The following ALK variants were observed in gnomAD, a reference collection of about 807,000 sequenced individuals.
The protein encoded by ALK is ALK tyrosine kinase receptor.
A neutral mutation model predicts 163.1 loss-of-function variants in ALK; 74 were observed. That is an observed-to-expected ratio of 0.45 (90% CI 0.38 to 0.55). The LOEUF (loss-of-function observed/expected upper bound fraction) is 0.55. ALK is among the 20% of genes least tolerant of loss of function. The probability of loss-of-function intolerance (pLI) is 0.00; values close to 1 mark genes in which losing one functional copy is unlikely to be tolerated. For synonymous variants in ALK, 960 were observed against 843.2 expected (o/e 1.14, Z -2.40); for missense variants, 2,063 against 2,105.3 (o/e 0.98, Z 0.39).
chr2:29,205,451 G>C (rs1669287659), intron 26 of ALK, among the ~76,000 whole-genome samples: 1 of 151,694 alleles, frequency 6.6e-6, no homozygotes, highest in Non-Finnish European at 1.5e-5. Context: ...CACATGCTTG[G>C]TGGCTTAAAA....
intron 4 of ALK, among the ~76,000 whole-genome samples, chr2:29,515,591 G>T (rs969896866): frequency 1.5e-4 from 23 of 152,186 alleles, no homozygotes; most frequent in Non-Finnish European, 1.3e-4. Context: ...AGGCATAATG[G>T]GATCATGTGG....
chr2:29,806,155 G>C (rs1421482037), intron 1 of ALK, among the ~76,000 whole-genome samples: 1 of 152,100 alleles, frequency 6.6e-6, no homozygotes. Flanking sequence ...ATACCATATG[G>C]AAAGGCCTGA....
chr2:29,780,281 G>T (rs1425357230), intron 1 of ALK, among the ~76,000 whole-genome samples: 2 of 152,142 alleles, frequency 1.3e-5, no homozygotes, highest in Admixed American at 1.3e-4. Flanking sequence ...ATTGCCAGGG[G>T]ACAGAATGCT....
chr2:29,819,474 C>T (rs1277665018), intron 1 of ALK, among the ~76,000 whole-genome samples: 2 of 152,190 alleles, frequency 1.3e-5, no homozygotes, highest in Non-Finnish European at 2.9e-5. Flanking sequence ...TGCTGGCTTG[C>T]GCGTGTTCTC....
intron 1 of ALK, among the ~76,000 whole-genome samples, chr2:29,869,459 C>T (rs139516445): frequency 3.3e-5 from 5 of 152,120 alleles, no homozygotes; most frequent in African/African-American, 7.2e-5. Context: ...GAATAAATAG[C>T]CCAGAAGCAA....
At chr2:29,625,002 A>G (rs546174103) in intron 3 of ALK, among the ~76,000 whole-genome samples, 3 of 152,312 alleles carry the variant, frequency 2.0e-5, no homozygotes, top group East Asian at 3.9e-4. Flanking sequence ...CAAACTATGC[A>G]TGTGGTTCAC....
chr2:29,717,340 T>C (rs1056868726), intron 2 of ALK, among the ~76,000 whole-genome samples: 23 of 152,172 alleles, frequency 1.5e-4, no homozygotes, highest in Admixed American at 8.5e-4. Context: ...AGGAGGGATA[T>C]GGCAGACACA....
At chr2:29,876,089 C>T (rs1666698005) in intron 1 of ALK, among the ~76,000 whole-genome samples, 1 of 152,200 alleles carries the variant, frequency 6.6e-6, no homozygotes, top group Non-Finnish European at 1.5e-5. Context: ...ATTCTGTTAT[C>T]TACCCTGCCT....
chr2:29,722,834 C>T (rs905367530), intron 1 of ALK, among the ~76,000 whole-genome samples: 2 of 152,150 alleles, frequency 1.3e-5, no homozygotes, highest in Non-Finnish European at 2.9e-5. Flanking sequence ...ACCTCCCTTC[C>T]CCTAAACCCC....
intron 4 of ALK, among the ~76,000 whole-genome samples, chr2:29,458,082 T>C (rs537361353): frequency 5.9e-5 from 9 of 152,306 alleles, no homozygotes; most frequent in Admixed American, 3.9e-4. Flanking sequence ...ATCTACTTTT[T>C]AAACCTATAA....
chr2:29,610,955 A>T (rs2148221333), intron 3 of ALK, among the ~76,000 whole-genome samples: 1 of 152,226 alleles, frequency 6.6e-6, no homozygotes, highest in East Asian at 1.9e-4. Context: ...GGTGTCTGGG[A>T]TCATTAATTG....
At chr2:29,375,778 T>G (rs1169826907) in intron 5 of ALK, among the ~76,000 whole-genome samples, 1 of 152,162 alleles carries the variant, frequency 6.6e-6, no homozygotes, top group Non-Finnish European at 1.5e-5. Flanking sequence ...TCAGTGCTCA[T>G]TCTGTGGTCT....
intron 3 of ALK, among the ~76,000 whole-genome samples, chr2:29,605,874 C>A (rs1355550244): frequency 6.6e-6 from 1 of 152,170 alleles, no homozygotes; most frequent in Non-Finnish European, 1.5e-5. Context: ...GCCTCCCCAC[C>A]CCTCTGACAA....
At chr2:29,845,855 G>A (rs1665828819) in intron 1 of ALK, among the ~76,000 whole-genome samples, 1 of 152,142 alleles carries the variant, frequency 6.6e-6, no homozygotes, top group Non-Finnish European at 1.5e-5. Flanking sequence ...CAGATTCTGG[G>A]AACTGTGACT....
intron 6 of ALK, among the ~76,000 whole-genome samples, chr2:29,327,173 C>T (rs1328124752): frequency 1.3e-5 from 2 of 152,212 alleles, no homozygotes; most frequent in African/African-American, 4.8e-5. Flanking sequence ...AGTGCAGGAG[C>T]ACCAGCTGGG....
At chr2:29,536,436 C>T (rs1237000430) in intron 3 of ALK, among the ~76,000 whole-genome samples, 1 of 152,150 alleles carries the variant, frequency 6.6e-6, no homozygotes, top group East Asian at 1.9e-4. Flanking sequence ...TTGCAAGCTT[C>T]CTGAGGCCCT....
intron 5 of ALK, among the ~76,000 whole-genome samples, chr2:29,350,598 C>G (rs1668086196): frequency 1.3e-5 from 2 of 152,172 alleles, no homozygotes; most frequent in Admixed American, 6.5e-5. Context: ...GAACCAGAAC[C>G]TCCTGAGTAC....
At chr2:29,711,995 C>T (rs1679118246) in intron 2 of ALK, among the ~76,000 whole-genome samples, 1 of 152,248 alleles carries the variant, frequency 6.6e-6, no homozygotes, top group Non-Finnish European at 1.5e-5. Flanking sequence ...ACTCAACTTG[C>T]CACCAACATA....
At chr2:29,360,215 A>C (rs1668355573) in intron 5 of ALK, among the ~76,000 whole-genome samples, 1 of 152,156 alleles carries the variant, frequency 6.6e-6, no homozygotes, top group Non-Finnish European at 1.5e-5. Context: ...GCCATGATTC[A>C]TGGCTTTTCT....
Sources: allele counts gnomAD v4.1 joint callset (sites outside exome capture counted in the v4.1 genomes callset), GRCh38; gene constraint gnomAD v4.1.1; transcripts MANE v1.5; gene names NCBI Gene and HGNC (gene_info 2026-07-23, HGNC 2026-07-21).